Variants in EYS observed in about 807,000 individuals in gnomAD.
EYS encodes EGF-like photoreceptor maintenance factor.
Under a neutral mutation model 282.1 loss-of-function variants are expected in EYS, and 250 were observed. The ratio of observed to expected loss-of-function variants is 0.89; its 90% CI spans 0.80 to 0.98. The LOEUF (loss-of-function observed/expected upper bound fraction) is 0.98. EYS is among the 50% of genes least tolerant of loss of function. The pLI is 0.00. For synonymous variants in EYS, 1,355 were observed against 1,282.9 expected (o/e 1.06, Z -1.20); for missense variants, 4,016 against 3,709.0 (o/e 1.08, Z -2.15).
intron 14 of EYS, among the ~76,000 whole-genome samples, chr6:64,989,718 T>C (rs1178544636): frequency 1.4e-5 from 2 of 145,548 alleles, no homozygotes; most frequent in African/African-American, 5.0e-5. Flanking sequence ...TAAATTATAA[T>C]ATAATTTTAT....
chr6:63,861,010 A>G (rs1250320513), intron 36 of EYS, among the ~76,000 whole-genome samples: 1 of 152,100 alleles, frequency 6.6e-6, no homozygotes, highest in Admixed American at 6.6e-5. Flanking sequence ...CTTTATTTTA[A>G]TGATTCCCCT....
chr6:65,217,650 C>T (rs1484240878), intron 12 of EYS, among the ~76,000 whole-genome samples: 1 of 151,752 alleles, frequency 6.6e-6, no homozygotes, highest in Non-Finnish European at 1.5e-5. Flanking sequence ...AGGAAATAAG[C>T]AGGAATGCAA....
At chr6:64,399,711 G>A (rs972560533) in intron 28 of EYS, among the ~76,000 whole-genome samples, 1 of 151,816 alleles carries the variant, frequency 6.6e-6, no homozygotes. Context: ...TTTTCTGTTA[G>A]TTCTGTTTCC....
chr6:64,592,192 A>G (rs556559081), intron 25 of EYS, among the ~76,000 whole-genome samples: 1 of 152,258 alleles, frequency 6.6e-6, no homozygotes, highest in East Asian at 1.9e-4. Context: ...AAAGATTCCT[A>G]TTATTTACAC....
intron 2 of EYS, among the ~76,000 whole-genome samples, chr6:65,586,034 T>C (rs1248287329): frequency 6.6e-6 from 1 of 152,044 alleles, no homozygotes; most frequent in Non-Finnish European, 1.5e-5. Context: ...TTCCATGTTA[T>C]GTGGCCACTC....
chr6:65,095,750 C>T (rs940233071), intron 12 of EYS, among the ~76,000 whole-genome samples: 2 of 151,028 alleles, frequency 1.3e-5, no homozygotes, highest in Admixed American at 6.6e-5. Flanking sequence ...ATTCAGCATG[C>T]TCTCATGGTA....
At chr6:65,234,353 A>T (rs1029372215) in intron 12 of EYS, among the ~76,000 whole-genome samples, 1 of 151,810 alleles carries the variant, frequency 6.6e-6, no homozygotes, top group African/African-American at 2.4e-5. Context: ...CTATCAAGGA[A>T]CTCCTACATT....
intron 22 of EYS, among the ~76,000 whole-genome samples, chr6:64,738,839 C>T (rs926410362): frequency 1.3e-5 from 2 of 152,160 alleles, no homozygotes; most frequent in African/African-American, 4.8e-5. Context: ...CTCACTGCAA[C>T]CTCCGCCTCC....
chr6:65,605,033 G>A (rs968549921), intron 2 of EYS, among the ~76,000 whole-genome samples: 7 of 145,424 alleles, frequency 4.8e-5, no homozygotes, highest in African/African-American at 7.8e-5. Context: ...TTGTAGAGAC[G>A]GGGGTCTCAC....
chr6:65,439,370 T>C (rs2150390733), intron 5 of EYS, among the ~76,000 whole-genome samples: 1 of 152,142 alleles, frequency 6.6e-6, no homozygotes, highest in East Asian at 1.9e-4. Flanking sequence ...GTAGTTTTTT[T>C]CCAATTCTGT....
chr6:64,305,506 T>G (rs1416126182), intron 30 of EYS, among the ~76,000 whole-genome samples: 5 of 152,212 alleles, frequency 3.3e-5, no homozygotes, highest in African/African-American at 1.2e-4. Context: ...CCTTTGTAAT[T>G]AAAACCTTTT....
intron 12 of EYS, among the ~76,000 whole-genome samples, chr6:65,226,020 G>C (rs904651145): frequency 1.3e-5 from 2 of 151,744 alleles, no homozygotes; most frequent in Non-Finnish European, 2.9e-5. Context: ...GGAAGTTTAA[G>C]ACAGAAAACT....
At chr6:65,701,112 C>T (rs1202584124) in intron 1 of EYS, among the ~76,000 whole-genome samples, 1 of 152,082 alleles carries the variant, frequency 6.6e-6, no homozygotes, top group East Asian at 1.9e-4. Context: ...AGTATATATC[C>T]AGGAGAGGAA....
At chr6:65,461,858 T>C (rs558745540) in intron 5 of EYS, among the ~76,000 whole-genome samples, 5 of 152,230 alleles carry the variant, frequency 3.3e-5, no homozygotes, top group East Asian at 1.9e-4. Context: ...TATTACAGTA[T>C]TGCCATTCCA....
At chr6:64,576,943 A>C (rs1181823128) in intron 26 of EYS, among the ~76,000 whole-genome samples, 1 of 152,118 alleles carries the variant, frequency 6.6e-6, no homozygotes, top group Non-Finnish European at 1.5e-5. Flanking sequence ...TTAAGGTGAG[A>C]TTGAGACTGA....
chr6:64,539,260 C>T (rs1764622697), intron 26 of EYS, among the ~76,000 whole-genome samples: 1 of 151,904 alleles, frequency 6.6e-6, no homozygotes, highest in South Asian at 2.1e-4. Flanking sequence ...TGTATTTTAC[C>T]ACAGGTTTTA....
intron 26 of EYS, among the ~76,000 whole-genome samples, chr6:64,565,550 T>TA (rs1254230035): frequency 6.6e-6 from 1 of 151,988 alleles, no homozygotes; most frequent in Non-Finnish European, 1.5e-5. Context: ...ATGTATAGTA[T>TA]AAAAAAATTG....
intron 11 of EYS, among the ~76,000 whole-genome samples, chr6:65,328,056 T>C (rs1582145635): frequency 6.6e-6 from 1 of 151,602 alleles, no homozygotes; most frequent in South Asian, 2.1e-4. Context: ...TATTCATATA[T>C]AGGTTTTATA....
At chr6:65,539,041 G>T (rs1203047310) in intron 2 of EYS, among the ~76,000 whole-genome samples, 1 of 152,134 alleles carries the variant, frequency 6.6e-6, no homozygotes, top group Non-Finnish European at 1.5e-5. Flanking sequence ...TGTCTTTAAG[G>T]TAAATTATTC....
Sources: gnomAD v4.1 joint callset for allele counts (sites outside exome capture counted in the v4.1 genomes callset) on GRCh38, gnomAD v4.1.1 for gene constraint, MANE v1.5 for transcripts, NCBI Gene and HGNC (gene_info 2026-07-23, HGNC 2026-07-21) for gene names.